TTC29: variants seen among roughly 807,000 people sequenced by gnomAD.
The protein encoded by TTC29 is tetratricopeptide repeat domain 29, also known as tetratricopeptide repeat protein 29.
Under a neutral mutation model 58.1 loss-of-function variants are expected in TTC29, and 49 were observed. The ratio of observed to expected loss-of-function variants is 0.84; its 90% CI spans 0.67 to 1.07. The LOEUF (loss-of-function observed/expected upper bound fraction) is 1.07. Among genes scored for constraint, TTC29 ranks in the 50% least tolerant of loss-of-function variants. The probability of loss-of-function intolerance (pLI) is 0.00; values close to 1 mark genes in which losing one functional copy is unlikely to be tolerated. For synonymous variants in TTC29, 209 were observed against 196.8 expected (o/e 1.06, Z -0.52); for missense variants, 582 against 555.6 (o/e 1.05, Z -0.48).
At chr4:146,847,415 A>G (rs1453545365) in intron 8 of TTC29, among the ~76,000 whole-genome samples, 1 of 152,196 alleles carries the variant, frequency 6.6e-6, no homozygotes, top group Non-Finnish European at 1.5e-5. Context: ...TTCACATTCA[A>G]TAATCTATCC....
intron 10 of TTC29, among the ~76,000 whole-genome samples, chr4:146,809,260 G>A (rs1473068687): frequency 1.3e-5 from 2 of 149,858 alleles, no homozygotes; most frequent in East Asian, 3.9e-4. Flanking sequence ...AAACTTAAAC[G>A]TAAGACCTAA....
intron 2 of TTC29, among the ~76,000 whole-genome samples, chr4:146,943,854 A>G (rs1046341803): frequency 6.6e-6 from 1 of 152,158 alleles, no homozygotes; most frequent in African/African-American, 2.4e-5. Context: ...GGTGTTGGTC[A>G]GACAGCATTC....
At chr4:146,791,254 ACC>A (rs1234036808) in intron 11 of TTC29, among the ~76,000 whole-genome samples, 26 of 152,288 alleles carry the variant, frequency 1.7e-4, no homozygotes, top group South Asian at 8.3e-4. Context: ...GTGTATGGTA[ACC>A]TTGCTTTAAG....
At chr4:146,733,430 T>G (rs1168023730) in intron 11 of TTC29, among the ~76,000 whole-genome samples, 2 of 152,122 alleles carry the variant, frequency 1.3e-5, no homozygotes, top group African/African-American at 4.8e-5. Flanking sequence ...TTAATGAGCT[T>G]GTATGAAATA....
chr4:146,809,967 T>A (rs1452789334), intron 10 of TTC29, among the ~76,000 whole-genome samples: 1 of 152,084 alleles, frequency 6.6e-6, no homozygotes. Flanking sequence ...TGGACACATA[T>A]GTTTATTGCA....
At chr4:146,737,595 G>A (rs759471788) in intron 11 of TTC29, among the ~76,000 whole-genome samples, 26 of 147,080 alleles carry the variant, frequency 1.8e-4, no homozygotes, top group East Asian at 7.9e-4. Flanking sequence ...AGCCCTGGGG[G>A]GGGGGGGGCT....
chr4:146,761,677 T>TG (rs1404562467), intron 11 of TTC29, among the ~76,000 whole-genome samples: 1 of 151,242 alleles, frequency 6.6e-6, no homozygotes, highest in Non-Finnish European at 1.5e-5. Flanking sequence ...TAGTTTTTTT[T>TG]TTTTTTTTTG....
chr4:146,888,815 C>T (rs1732162932), intron 6 of TTC29, among the ~76,000 whole-genome samples: 1 of 152,014 alleles, frequency 6.6e-6, no homozygotes, highest in Non-Finnish European at 1.5e-5. Flanking sequence ...ATTTAAGCTG[C>T]CATAGAAATC....
intron 10 of TTC29, among the ~76,000 whole-genome samples, chr4:146,815,264 AG>A (rs1751321382): frequency 6.6e-6 from 1 of 150,980 alleles, no homozygotes. Context: ...TAGAGGGAAA[AG>A]GGTGGATTCG....
At chr4:146,899,110 G>A (rs969997204) in intron 6 of TTC29, among the ~76,000 whole-genome samples, 1 of 152,202 alleles carries the variant, frequency 6.6e-6, no homozygotes, top group African/African-American at 2.4e-5. Context: ...GCAACTGCAA[G>A]GCTTGGACCC....
At chr4:146,756,572 A>G (rs554249960) in intron 11 of TTC29, among the ~76,000 whole-genome samples, 1 of 152,268 alleles carries the variant, frequency 6.6e-6, no homozygotes, top group African/African-American at 2.4e-5. Flanking sequence ...TAGATTTTCA[A>G]TACAAACTAA....
At chr4:146,740,347 G>A (rs1745029058) in intron 11 of TTC29, among the ~76,000 whole-genome samples, 1 of 152,108 alleles carries the variant, frequency 6.6e-6, no homozygotes, top group East Asian at 1.9e-4. Flanking sequence ...GTAACAAAGA[G>A]GATGTTGAAG....
chr4:146,835,255 T>A (rs1235800553), intron 8 of TTC29, among the ~76,000 whole-genome samples: 1 of 152,148 alleles, frequency 6.6e-6, no homozygotes, highest in Non-Finnish European at 1.5e-5. Context: ...TTAAGTCTCT[T>A]AATAACCCTT....
chr4:146,835,246 T>A (rs28580299), intron 8 of TTC29, among the ~76,000 whole-genome samples: 92 of 152,268 alleles, frequency 6.0e-4, no homozygotes, highest in African/African-American at 1.9e-3. Flanking sequence ...CCAACATTTT[T>A]AAGTCTCTTA....
chr4:146,934,456 C>A (rs944116631), intron 4 of TTC29: 2 of 152,074 alleles, frequency 1.3e-5, no homozygotes, highest in Non-Finnish European at 2.9e-5. Context: ...TTATATTAAC[C>A]TTGGGATGTC....
Position 146,899,443 on chromosome 4 carries a change from G to A in TTC29, c.586+4101C>T, listed in dbSNP as rs542345785. Among the ~76,000 whole-genome samples the A allele has an allele frequency of 7.9e-5, 12 of 152,146 alleles. 1 individual carries two copies. Among genetic ancestry groups the A allele is most frequent in the Non-Finnish European group, 1.6e-4 (11 of 68,036 alleles). On this transcript the variant is annotated intron_variant, in intron 6 of 12. Coordinates refer to ENST00000325106, the MANE Select transcript of TTC29 (RefSeq NM_031956.4). ...ACCTTACAAATAAGGTCACAATTCT[G>A]AAAGAAGATACAGCTGATTTGTTCC...
At chr4:146,887,002 T>TA (rs1345868727) in intron 6 of TTC29, among the ~76,000 whole-genome samples, 1 of 152,142 alleles carries the variant, frequency 6.6e-6, no homozygotes, top group Non-Finnish European at 1.5e-5. Context: ...TTGAGGTATC[T>TA]AAAATAGTCA....
intron 6 of TTC29, among the ~76,000 whole-genome samples, chr4:146,899,002 C>T (rs149130686): frequency 2.6e-5 from 4 of 152,264 alleles, no homozygotes; most frequent in South Asian, 4.2e-4. Flanking sequence ...CATGGGGAAG[C>T]GGAAAGAGGA....
At chr4:146,749,043 T>TGTG in intron 11 of TTC29, among the ~76,000 whole-genome samples, 1 of 152,070 alleles carries the variant, frequency 6.6e-6, no homozygotes, top group South Asian at 2.1e-4. Context: ...ATTGGCTGGA[T>TGTG]GTGGTGGCTC....
Sources: gnomAD v4.1 joint callset for allele counts (sites outside exome capture counted in the v4.1 genomes callset) on GRCh38, gnomAD v4.1.1 for gene constraint, MANE v1.5 for transcripts, NCBI Gene and HGNC (gene_info 2026-07-23, HGNC 2026-07-21) for gene names.